Variants in DAB1 observed in about 807,000 individuals in gnomAD.
DAB1 encodes disabled homolog 1.
DAB1 carries 15 observed loss-of-function variants against 64.6 expected under a neutral mutation model. That is an observed-to-expected ratio of 0.23 (90% CI 0.16 to 0.36). The LOEUF (loss-of-function observed/expected upper bound fraction) is 0.36, where lower values mean the gene tolerates loss of function less well. Ranked by LOEUF, DAB1 falls within the 10% of genes least tolerant of loss-of-function variation. DAB1 has a pLI of 1.00. For missense variants in DAB1, 596 were observed against 706.7 expected (o/e 0.84, Z 1.78); for synonymous variants, 235 against 251.9 (o/e 0.93, Z 0.64).
chr1:58,167,657 C>T (rs1044894152), intron 4 of DAB1, among the ~76,000 whole-genome samples: 1 of 152,134 alleles, frequency 6.6e-6, no homozygotes, highest in African/African-American at 2.4e-5. Context: ...TCTTTGGGTC[C>T]GCATTACTTT....
intron 1 of DAB1, among the ~76,000 whole-genome samples, chr1:57,832,028 T>C (rs145620603): frequency 1.1e-3 from 163 of 152,288 alleles, no homozygotes; most frequent in African/African-American, 3.7e-3. Flanking sequence ...TTAAATCATA[T>C]ATGCATATGT....
chr1:58,317,840 A>G lies in DAB1; in HGVS notation n.309+25512T>C, dbSNP rs114064873. On this transcript the variant is annotated intron_variant and non_coding_transcript_variant, in intron 4 of 20. Transcript: ENST00000485760. Reference sequence around the variant, plus strand: ...ATCTGCGGTACTTTGTTACACCACAATAGAAAATGAGCATACCCCTGTATC... The same window carrying G: ...ATCTGCGGTACTTTGTTACACCACAGTAGAAAATGAGCATACCCCTGTATC... 8.5e-3 allele frequency among the ~76,000 whole-genome samples: 1,295 copies of G among 152,320 alleles called. 26 individuals are homozygous for G. Among genetic ancestry groups the G allele is most frequent in the African/African-American group, 0.03 (1,248 of 41,562 alleles).
chr1:57,807,742 C>T (rs1043150544), intron 6 of DAB1, among the ~76,000 whole-genome samples: 3 of 151,864 alleles, frequency 2.0e-5, no homozygotes, highest in South Asian at 2.1e-4. Context: ...TTGCCTTTAA[C>T]GTCCTTCATC....
intron 4 of DAB1, among the ~76,000 whole-genome samples, chr1:58,175,652 ATTGT>A (rs1656427226): frequency 1.3e-5 from 2 of 152,090 alleles, no homozygotes; most frequent in African/African-American, 2.4e-5. Context: ...CCATTTTTAA[ATTGT>A]TTGTCTTGTG....
intron 1 of DAB1, among the ~76,000 whole-genome samples, chr1:57,364,116 A>G (rs1570373540): frequency 6.6e-6 from 1 of 152,268 alleles, no homozygotes; most frequent in East Asian, 1.9e-4. Flanking sequence ...AGAGGCTCTC[A>G]CTGCTGAAGA....
At chr1:57,273,752 C>G (rs994850870) in intron 2 of DAB1, among the ~76,000 whole-genome samples, 1 of 151,668 alleles carries the variant, frequency 6.6e-6, no homozygotes, top group South Asian at 2.1e-4. Context: ...ATGTCTTTTC[C>G]TCCCCTGTCC....
chr1:57,398,807 T>A (rs192404083), intron 1 of DAB1, among the ~76,000 whole-genome samples: 4 of 152,362 alleles, frequency 2.6e-5, no homozygotes, highest in African/African-American at 9.6e-5. Context: ...ACAGCCATAC[T>A]GAAGCTTTGC....
intron 3 of DAB1, among the ~76,000 whole-genome samples, chr1:58,503,592 T>C (rs1247644360): frequency 6.6e-6 from 1 of 152,120 alleles, no homozygotes; most frequent in Non-Finnish European, 1.5e-5. Context: ...GCGATTGTCA[T>C]AAGGGTGGAG....
intron 3 of DAB1, among the ~76,000 whole-genome samples, chr1:58,407,449 C>T (rs1644627012): frequency 6.6e-6 from 1 of 152,134 alleles, no homozygotes; most frequent in African/African-American, 2.4e-5. Context: ...AACTTCAATA[C>T]CAAGGGATGA....
chr1:58,006,296 C>T (rs1646581885), intron 5 of DAB1, among the ~76,000 whole-genome samples: 1 of 152,132 alleles, frequency 6.6e-6, no homozygotes, highest in South Asian at 2.1e-4. Context: ...CTTCTTTGTG[C>T]CTCAGTTTCC....
intron 3 of DAB1, among the ~76,000 whole-genome samples, chr1:58,449,903 G>T (rs1645113847): frequency 6.6e-6 from 1 of 152,178 alleles, no homozygotes; most frequent in South Asian, 2.1e-4. Flanking sequence ...GTCTGTATCT[G>T]TAGTGACTAG....
At chr1:58,106,066 T>A (rs2100641480) in intron 5 of DAB1, among the ~76,000 whole-genome samples, 1 of 138,996 alleles carries the variant, frequency 7.2e-6, no homozygotes, top group East Asian at 2.8e-4. Flanking sequence ...GTTGTTTTGG[T>A]TTTTTGTTTT....
intron 7 of DAB1, among the ~76,000 whole-genome samples, chr1:57,441,268 CTTTCTCTTTCTTTCTTTCTTTCTT>C (rs1411346443): frequency 6.9e-4 from 89 of 128,272 alleles, no homozygotes; most frequent in East Asian, 6.1e-3. Context: ...TCTTTTCTTT[CTTTCTCTTTCTTTCTTTCTTTCTT>C]TCTTTCTTTC....
intron 5 of DAB1, among the ~76,000 whole-genome samples, chr1:58,127,136 T>C (rs1450022012): frequency 6.6e-6 from 1 of 151,550 alleles, no homozygotes; most frequent in Non-Finnish European, 1.5e-5. Context: ...TCCTGACTTT[T>C]TAATGATTGC....
chr1:58,084,183 C>T (rs1345078269), intron 5 of DAB1, among the ~76,000 whole-genome samples: 1 of 152,180 alleles, frequency 6.6e-6, no homozygotes, highest in Non-Finnish European at 1.5e-5. Flanking sequence ...AGAATAATTG[C>T]TTGCCCCTCA....
chr1:57,528,859 C>T (rs180845318), intron 7 of DAB1, among the ~76,000 whole-genome samples: 1 of 152,014 alleles, frequency 6.6e-6, no homozygotes, highest in Non-Finnish European at 1.5e-5. Context: ...ACTAAATATT[C>T]AGGTAAATTA....
At chr1:57,304,011 C>G (rs924169678) in intron 1 of DAB1, among the ~76,000 whole-genome samples, 2 of 152,130 alleles carry the variant, frequency 1.3e-5, no homozygotes, top group African/African-American at 2.4e-5. Flanking sequence ...TCATCGGAAC[C>G]CTTAAATATA....
intron 2 of DAB1, among the ~76,000 whole-genome samples, chr1:57,239,859 T>A (rs966213128): frequency 3.9e-5 from 6 of 152,220 alleles, no homozygotes; most frequent in Non-Finnish European, 8.8e-5. Flanking sequence ...CTAATTAATT[T>A]ATCTGCCCGT....
chr1:57,748,077 G>A (rs992369274), intron 6 of DAB1, among the ~76,000 whole-genome samples: 2 of 152,076 alleles, frequency 1.3e-5, no homozygotes, highest in East Asian at 3.9e-4. Flanking sequence ...AATTTACAGA[G>A]ATTTTACTCC....
Sources: gnomAD v4.1 joint callset for allele counts (sites outside exome capture counted in the v4.1 genomes callset) on GRCh38, gnomAD v4.1.1 for gene constraint, MANE v1.5 for transcripts, NCBI Gene and HGNC (gene_info 2026-07-23, HGNC 2026-07-21) for gene names.